The following PVT1 variants were observed in gnomAD, a reference collection of about 807,000 sequenced individuals.
PVT1 encodes the protein Pvt1 oncogene, also known as CXCR4/PVT1 fusion.
At chr8:127,993,079 T>C (rs1817062493) in intron 4 of PVT1, among the ~76,000 whole-genome samples, 1 of 152,252 alleles carries the variant, frequency 6.6e-6, no homozygotes, top group Non-Finnish European at 1.5e-5. Flanking sequence ...TATTACTGTT[T>C]CTTGTGGTTT....
At position 127,902,198 on chromosome 8, in the gene PVT1, C is replaced by T. The variant is rs546691922; in HGVS notation, n.782+11200C>T. On this transcript the variant is annotated intron_variant and non_coding_transcript_variant, in intron 3 of 10. Coordinates refer to ENST00000651587, the Ensembl canonical transcript of PVT1. ...GCCAGAGACTTTCCTGGTTTTGGCA[C>T]GGAAAGTCCAACACTCTGGGAACCT... Among the ~76,000 whole-genome samples the T allele has an allele frequency of 5.9e-5, 9 of 152,202 alleles. No individual in the cohort carries two copies. In the East Asian group the frequency reaches 9.7e-4, roughly 16 times the overall value.
chr8:127,859,576 C>A (rs764632473), intron 2 of PVT1, among the ~76,000 whole-genome samples: 2 of 152,046 alleles, frequency 1.3e-5, no homozygotes, highest in African/African-American at 2.4e-5. Flanking sequence ...TGCTGGCCTG[C>A]GAACTATTCA....
At chr8:127,922,939 G>T (rs537743628) in intron 3 of PVT1, among the ~76,000 whole-genome samples, 57 of 152,350 alleles carry the variant, frequency 3.7e-4, no homozygotes, top group Non-Finnish European at 7.2e-4. Context: ...ACATGAAGGA[G>T]CATTAGTGGC....
Position 127,889,341 on chromosome 8 carries a change from G to A in PVT1, n.373-1248G>A, listed in dbSNP as rs528337733. On this transcript the variant is annotated intron_variant and non_coding_transcript_variant, in intron 2 of 10. Coordinates refer to ENST00000651587, the Ensembl canonical transcript of PVT1. ...GACAGGGTTTCACCATGTTGGCCAG[G>A]CTGGTCTTGAATTCCTGGCCTCAAG... Among the ~76,000 whole-genome samples the A allele has an allele frequency of 6.6e-5, 10 of 152,038 alleles. No homozygotes were observed. The South Asian group carries it at 2.1e-3, about 32-fold the overall frequency.
chr8:128,001,368 T>G (rs912016763), intron 4 of PVT1, among the ~76,000 whole-genome samples: 16 of 151,486 alleles, frequency 1.1e-4, no homozygotes, highest in African/African-American at 3.2e-4. Flanking sequence ...GAAACAACCT[T>G]GTCAAAATAA....
At position 127,799,133 on chromosome 8, in the gene PVT1, G is replaced by C. The variant is rs538597848; in HGVS notation, n.372+3062G>C. Among the ~76,000 whole-genome samples the C allele has an allele frequency of 6.6e-5, 10 of 150,978 alleles. No homozygotes were observed. In the East Asian group the frequency reaches 1.2e-3, roughly 18 times the overall value. On this transcript the variant is annotated intron_variant and non_coding_transcript_variant, in intron 2 of 10. Coordinates refer to ENST00000651587, the Ensembl canonical transcript of PVT1. ...TTTTTGTGTGTGTGTGGAGTTAGGT[G>C]GGGGGGGAGGTATGGCATATTGTTT...
intron 3 of PVT1, among the ~76,000 whole-genome samples, chr8:127,922,276 ACC>A (rs33932004): frequency 0.27 from 29,876 of 112,520 alleles, 4,375 homozygotes; most frequent in Admixed American, 0.4. Context: ...CAAGATACCC[ACC>A]CCCCCCCCCA....
At chr8:127,806,747 C>T (rs1814533462) in intron 2 of PVT1, among the ~76,000 whole-genome samples, 1 of 152,162 alleles carries the variant, frequency 6.6e-6, no homozygotes, top group African/African-American at 2.4e-5. Flanking sequence ...GTTTGCTGAC[C>T]TTACAGTGTT....
At chr8:127,937,578 C>CAGAGAGAGAGAGAGAG (rs1296575228) in intron 3 of PVT1, among the ~76,000 whole-genome samples, 126 of 119,330 alleles carry the variant, frequency 1.1e-3, no homozygotes, top group African/African-American at 3.3e-3. Flanking sequence ...CACACACACA[C>CAGAGAGAGAGAGAGAG]ACAGAGAGAG....
At chr8:127,825,117 TA>T (rs58377389) in intron 2 of PVT1, among the ~76,000 whole-genome samples, 66 of 81,038 alleles carry the variant, frequency 8.1e-4, no homozygotes, top group East Asian at 3.3e-3. Context: ...AAACACTAGC[TA>T]AAAAAAAAAA....
intron 5 of PVT1, among the ~76,000 whole-genome samples, chr8:128,081,170 C>T (rs1261528864): frequency 6.6e-6 from 1 of 152,106 alleles, no homozygotes; most frequent in East Asian, 1.9e-4. Context: ...GTGTTCTTTT[C>T]CTGCAGTATT....
intron 2 of PVT1, among the ~76,000 whole-genome samples, chr8:127,844,208 T>C (rs1207925513): frequency 6.6e-6 from 1 of 152,058 alleles, no homozygotes; most frequent in Non-Finnish European, 1.5e-5. Context: ...ATGGTCTTGA[T>C]CTCCTGGCAT....
intron 3 of PVT1, among the ~76,000 whole-genome samples, chr8:127,928,638 T>C (rs1361519939): frequency 6.6e-6 from 1 of 152,052 alleles, no homozygotes; most frequent in Non-Finnish European, 1.5e-5. Flanking sequence ...CCCAGAGGGG[T>C]GCGGTGAGTA....
chr8:127,827,662 C>T (rs1305642550), intron 2 of PVT1, among the ~76,000 whole-genome samples: 1 of 152,152 alleles, frequency 6.6e-6, no homozygotes, highest in Non-Finnish European at 1.5e-5. Context: ...CCCCAGGCCC[C>T]ATGCACGGAG....
intron 2 of PVT1, among the ~76,000 whole-genome samples, chr8:127,814,344 G>T (rs979879339): frequency 3.3e-5 from 5 of 152,178 alleles, no homozygotes; most frequent in African/African-American, 1.2e-4. Flanking sequence ...AGCCGGGGAG[G>T]GTTTCTGTGT....
intron 4 of PVT1, among the ~76,000 whole-genome samples, chr8:128,061,963 C>T (rs571761381): frequency 2.6e-5 from 4 of 152,406 alleles, no homozygotes; most frequent in African/African-American, 7.2e-5. Context: ...TTAATTATCA[C>T]ATGACCTGAC....
chr8:127,987,983 G>A (rs747744127), intron 3 of PVT1, among the ~76,000 whole-genome samples: 4 of 152,174 alleles, frequency 2.6e-5, no homozygotes, highest in East Asian at 1.9e-4. Context: ...TGCAGGATGC[G>A]TTAAGCCTGC....
At chr8:128,001,606 C>T (rs1463012267) in intron 4 of PVT1, among the ~76,000 whole-genome samples, 5 of 152,198 alleles carry the variant, frequency 3.3e-5, no homozygotes, top group African/African-American at 1.2e-4. Context: ...AAAGGTTTGC[C>T]TATGGAACGA....
chr8:128,028,789 A>T (rs1485854367), intron 4 of PVT1, among the ~76,000 whole-genome samples: 1 of 152,172 alleles, frequency 6.6e-6, no homozygotes, highest in African/African-American at 2.4e-5. Flanking sequence ...ATCGGAGCCT[A>T]AAAGACTCGT....
Sources: gnomAD v4.1 joint callset for allele counts (sites outside exome capture counted in the v4.1 genomes callset) on GRCh38, gnomAD v4.1.1 for gene constraint, MANE v1.5 for transcripts, NCBI Gene and HGNC (gene_info 2026-07-23, HGNC 2026-07-21) for gene names.